Variants in PRIM2 observed in about 807,000 individuals in gnomAD.
PRIM2 encodes DNA primase subunit 2, also known as DNA primase large subunit.
Under a neutral mutation model 67.3 loss-of-function variants are expected in PRIM2, and 39 were observed. That is an observed-to-expected ratio of 0.58 (90% CI 0.45 to 0.76). The LOEUF (loss-of-function observed/expected upper bound fraction) is 0.76. PRIM2 is among the 30% of genes least tolerant of loss of function. PRIM2 has a pLI of 0.00. For missense variants in PRIM2, 398 were observed against 598.7 expected, an observed-to-expected ratio of 0.66 and a Z score of 3.50; for synonymous variants, 143 against 198.7, an observed-to-expected ratio of 0.72 and a Z score of 2.36.
chr6:57,256,281 G>A, the PRIM2 span, among the ~76,000 whole-genome samples: 2 of 152,136 alleles, frequency 1.3e-5, no homozygotes, highest in Admixed American at 1.3e-4. Context: ...CCTACCATAT[G>A]TCAGGCATAT....
intron 10 of PRIM2, among the ~76,000 whole-genome samples, chr6:57,538,672 G>A (rs1455156365): frequency 0.39 from 59,516 of 152,000 alleles, 11,918 homozygotes; most frequent in East Asian, 0.67. Context: ...CTTAAAAAAC[G>A]GAAGTTTATT....
chr6:57,542,165 G>A (rs1359654136), intron 10 of PRIM2, among the ~76,000 whole-genome samples: 3 of 151,960 alleles, frequency 2.0e-5, no homozygotes, highest in African/African-American at 7.2e-5. Flanking sequence ...TAGTAGAGAC[G>A]GGGTTTCGCC....
intron 10 of PRIM2, among the ~76,000 whole-genome samples, chr6:57,559,316 C>T (rs1775581880): frequency 6.6e-6 from 1 of 152,100 alleles, no homozygotes; most frequent in Admixed American, 6.5e-5. Context: ...CACCCTTCAG[C>T]ACTGTGTCAT....
At chr6:57,515,598 C>T (rs1424936537) in intron 8 of PRIM2, among the ~76,000 whole-genome samples, 2 of 151,924 alleles carry the variant, frequency 1.3e-5, no homozygotes, top group Non-Finnish European at 2.9e-5. Flanking sequence ...GCCTTTATAC[C>T]CATTTTTTCA....
intron 11 of PRIM2, among the ~76,000 whole-genome samples, chr6:57,602,544 GC>G (rs1283154072): frequency 1.3e-5 from 2 of 152,256 alleles, no homozygotes; most frequent in African/African-American, 4.8e-5. Flanking sequence ...GAAGCCTGAA[GC>G]CTTTTTTAGC....
At chr6:57,450,924 A>G (rs1323701771) in intron 7 of PRIM2, among the ~76,000 whole-genome samples, 11 of 152,302 alleles carry the variant, frequency 7.2e-5, no homozygotes, top group African/African-American at 2.6e-4. Context: ...TACAAGTAAG[A>G]AAACTTTTTA....
intron 7 of PRIM2, among the ~76,000 whole-genome samples, chr6:57,427,792 A>G (rs1771681194): frequency 6.6e-6 from 1 of 152,212 alleles, no homozygotes; most frequent in Non-Finnish European, 1.5e-5. Flanking sequence ...CTGAGATGGC[A>G]GAAAATTGGT....
chr6:57,252,524 T>C, the PRIM2 span, among the ~76,000 whole-genome samples: 1 of 152,206 alleles, frequency 6.6e-6, no homozygotes, highest in Non-Finnish European at 1.5e-5. Flanking sequence ...CACCGCAACC[T>C]CTGCCTCCCG....
At chr6:57,626,330 G>T (rs1198313925) in intron 12 of PRIM2, among the ~76,000 whole-genome samples, 1 of 152,342 alleles carries the variant, frequency 6.6e-6, no homozygotes, top group East Asian at 1.9e-4. Context: ...TGTATAAAAA[G>T]AAGAGAGTTC....
At chr6:57,352,423 T>G (rs1768887361) in intron 5 of PRIM2, among the ~76,000 whole-genome samples, 1 of 152,050 alleles carries the variant, frequency 6.6e-6, no homozygotes, top group Non-Finnish European at 1.5e-5. Context: ...GTATTTTTAG[T>G]AGAGATGGGG....
chr6:57,272,512 A>T, the PRIM2 span, among the ~76,000 whole-genome samples: 3 of 152,126 alleles, frequency 2.0e-5, no homozygotes, highest in Admixed American at 2.0e-4. Flanking sequence ...TTTTGAGCCT[A>T]TGTGTGTCTC....
the PRIM2 span, among the ~76,000 whole-genome samples, chr6:57,293,898 T>A: frequency 6.6e-6 from 1 of 152,028 alleles, no homozygotes; most frequent in Non-Finnish European, 1.5e-5. Flanking sequence ...CAAACCAACA[T>A]GGCACATGTA....
chr6:57,606,394 T>A lies in PRIM2; in HGVS notation c.1167T>A (p.Ser389Arg). ...GDYHGCPFRH[S>R]DPELLKQKLQ... Reference sequence around the variant, plus strand: ...TGTCAGGGTGCCCATTCCGTCACAGTGATCCAGAGCTGCTGAAGCAAAAGT... The same window carrying A: ...TGTCAGGGTGCCCATTCCGTCACAGAGATCCAGAGCTGCTGAAGCAAAAGT... The change falls in exon 12 of 14, where the codon AGT becomes AGA. Residue 389 changes from serine to arginine, a missense_variant. Physicochemically the swap from Ser to Arg is moderately radical, Grantham distance 110 (BLOSUM62 -1). Transcript: ENST00000615550. The A allele has an allele frequency of 1.9e-6, 3 of 1,598,164 alleles. No homozygotes were observed. Among genetic ancestry groups the A allele is most frequent in the Non-Finnish European group, 1.7e-6 (2 of 1,171,420 alleles).
chr6:57,385,209 C>G (rs894018820), intron 7 of PRIM2, among the ~76,000 whole-genome samples: 7 of 152,142 alleles, frequency 4.6e-5, no homozygotes, highest in African/African-American at 1.7e-4. Context: ...GTAATAAATT[C>G]ATTTCAGCCA....
intron 5 of PRIM2, among the ~76,000 whole-genome samples, chr6:57,362,237 C>T (rs1769224423): frequency 6.6e-6 from 1 of 152,126 alleles, no homozygotes; most frequent in African/African-American, 2.4e-5. Flanking sequence ...ATTCTACCAT[C>T]CATATGAATT....
rs549319810 is a variant in PRIM2 at position 57,374,851 on chromosome 6, G to T, written c.460-5050G>T. Among the ~76,000 whole-genome samples the T allele has an allele frequency of 2.6e-5, 4 of 152,336 alleles. No homozygotes were observed. In the East Asian group the frequency reaches 7.7e-4, roughly 29 times the overall value. ...TTCACCTGCCTCAGCCTCCCAAATTGCTGGTATTACAGGTATGAGCCACCT... is the reference window on the plus strand; with the variant it reads ...TTCACCTGCCTCAGCCTCCCAAATTTCTGGTATTACAGGTATGAGCCACCT... On this transcript the variant is annotated intron_variant, in intron 5 of 13. Coordinates refer to ENST00000615550, the MANE Select transcript of PRIM2 (RefSeq NM_000947.5).
At chr6:57,495,486 CT>C (rs1303121288) in intron 7 of PRIM2, among the ~76,000 whole-genome samples, 1 of 152,200 alleles carries the variant, frequency 6.6e-6, no homozygotes, top group African/African-American at 2.4e-5. Flanking sequence ...TCTGCAGCAT[CT>C]GTTAACATAA....
the PRIM2 span, among the ~76,000 whole-genome samples, chr6:57,295,571 T>C: frequency 1.3e-5 from 2 of 152,206 alleles, no homozygotes; most frequent in African/African-American, 2.4e-5. Flanking sequence ...TTTAGCTTTG[T>C]TCTTAAAAAC....
intron 10 of PRIM2, among the ~76,000 whole-genome samples, chr6:57,572,321 T>C (rs1775877764): frequency 6.6e-6 from 1 of 152,198 alleles, no homozygotes; most frequent in Admixed American, 6.5e-5. Flanking sequence ...TTGAGATTAC[T>C]TGTTTCAATA....
Sources: allele counts gnomAD v4.1 joint callset (sites outside exome capture counted in the v4.1 genomes callset), GRCh38; gene constraint gnomAD v4.1.1; transcripts MANE v1.5; gene names NCBI Gene and HGNC (gene_info 2026-07-23, HGNC 2026-07-21).